Variants in RTTN observed in about 807,000 individuals in gnomAD.
RTTN encodes the protein rotatin.
A neutral mutation model predicts 269.2 loss-of-function variants in RTTN; 182 were observed. That is an observed-to-expected ratio of 0.68 (90% CI 0.60 to 0.76). The LOEUF (loss-of-function observed/expected upper bound fraction) is 0.76. Ranked by LOEUF, RTTN falls within the 30% of genes least tolerant of loss-of-function variation. The pLI is 0.00. For missense variants in RTTN, 2,545 were observed against 2,608.6 expected (o/e 0.98, Z 0.53); for synonymous variants, 1,006 against 963.5 (o/e 1.04, Z -0.82).
In RTTN at chr18:70,156,542, G is replaced by C. The variant is rs142697908; in HGVS notation, c.1930-5809C>G. On this transcript the variant is annotated intron_variant, in intron 14 of 48. Coordinates refer to ENST00000640769, the MANE Select transcript of RTTN (RefSeq NM_173630.4). ...TTGCCTTGTGATATTCTATTACCTTGTGAAGCACGTGATTTTTGTGACCCA... is the reference window on the plus strand; with the variant it reads ...TTGCCTTGTGATATTCTATTACCTTCTGAAGCACGTGATTTTTGTGACCCA... Among the ~76,000 whole-genome samples the C allele has an allele frequency of 4.9e-3, 745 of 152,200 alleles. 3 individuals carry two copies. Among genetic ancestry groups the C allele is most frequent in the South Asian group, 7.7e-3 (37 of 4,822 alleles).
At chr18:70,124,022 A>C (rs556663236) in intron 25 of RTTN, among the ~76,000 whole-genome samples, 29 of 152,172 alleles carry the variant, frequency 1.9e-4, no homozygotes, top group Admixed American at 4.6e-4. Flanking sequence ...TACCCTTGTA[A>C]AATAGCATGA....
intron 35 of RTTN, 23 bp from the exon 36 acceptor site, chr18:70,060,065 G>A (rs2057934738): frequency 6.4e-7 from 1 of 1,566,190 alleles, no homozygotes; most frequent in Non-Finnish European, 8.7e-7. Flanking sequence ...ATAAACATAA[G>A]AATTATTATT....
Position 70,127,500 on chromosome 18 carries a change from A to C in RTTN, c.3383+2T>G. Reference sequence around the variant, plus strand: ...AACTGGCAGCCTTGACCTTACACTGACCTGTTTAGTGCGGTGTGCCAAGCC... The same window carrying C: ...AACTGGCAGCCTTGACCTTACACTGCCCTGTTTAGTGCGGTGTGCCAAGCC... On this transcript the variant is annotated splice_donor_variant, in intron 25 of 48. Transcript: ENST00000640769. LOFTEE classifies it high-confidence loss of function. 6.2e-7 allele frequency: 1 copy of C among 1,613,198 alleles called. No individual in the cohort carries two copies. The highest frequency in any genetic ancestry group is 8.5e-7 in the Non-Finnish European group (1 of 1,179,502).
intron 35 of RTTN, 81 bp downstream of exon 35, chr18:70,065,748 G>T: frequency 1.2e-6 from 1 of 852,962 alleles, no homozygotes; most frequent in Non-Finnish European, 1.8e-6. Flanking sequence ...TTGTTCTTTA[G>T]ACATTTACTT....
At chr18:70,006,595 G>A in intron 46 of RTTN, 111 bp from the exon 47 acceptor site, 1 of 800,214 alleles carries the variant, frequency 1.2e-6, no homozygotes, top group Non-Finnish European at 2.1e-6. Context: ...CATACATAAA[G>A]TTGGTATCAC....
At chr18:70,078,716 G>A (rs1474080872) in intron 32 of RTTN, among the ~76,000 whole-genome samples, 2 of 151,978 alleles carry the variant, frequency 1.3e-5, no homozygotes, top group African/African-American at 2.4e-5. Flanking sequence ...AGTGAGTTAC[G>A]GTTTTCAACT....
chr18:70,128,645 C>G, intron 23 of RTTN, 99 bp from the exon 24 acceptor site: 2 of 851,038 alleles, frequency 2.4e-6, no homozygotes, highest in Non-Finnish European at 3.7e-6. Flanking sequence ...GCCTCCCAAC[C>G]CACAATAATG....
At chr18:70,201,074 G>T (rs1022008190) in intron 4 of RTTN, among the ~76,000 whole-genome samples, 1 of 152,234 alleles carries the variant, frequency 6.6e-6, no homozygotes, top group Non-Finnish European at 1.5e-5. Context: ...CTCTGATGAG[G>T]TGGCATGTGA....
chr18:70,056,628 T>C (rs1048876221), intron 37 of RTTN, among the ~76,000 whole-genome samples: 7 of 152,144 alleles, frequency 4.6e-5, no homozygotes, highest in Non-Finnish European at 8.8e-5. Flanking sequence ...CTTGCCCTCA[T>C]AGATTCTGCT....
intron 33 of RTTN, 43 bp downstream of exon 33, chr18:70,075,308 AG>A: frequency 7.5e-7 from 1 of 1,327,794 alleles, no homozygotes. Flanking sequence ...AGTTTTTACA[AG>A]TTACATATTA....
chr18:70,181,373 A>C (rs2061418145), intron 10 of RTTN, among the ~76,000 whole-genome samples: 1 of 152,184 alleles, frequency 6.6e-6, no homozygotes, highest in Non-Finnish European at 1.5e-5. Context: ...CTTGAACCTG[A>C]CTTAGCATGT....
At chr18:70,079,318 T>C (rs527426543) in intron 32 of RTTN, among the ~76,000 whole-genome samples, 1 of 152,096 alleles carries the variant, frequency 6.6e-6, no homozygotes, top group Non-Finnish European at 1.5e-5. Flanking sequence ...TAGGCACATA[T>C]TACATAAAAA....
At chr18:70,087,204 T>A (rs1444435738) in intron 31 of RTTN, among the ~76,000 whole-genome samples, 2 of 152,072 alleles carry the variant, frequency 1.3e-5, no homozygotes, top group East Asian at 3.9e-4. Context: ...AATTAAATAA[T>A]CATACAAATA....
intron 14 of RTTN, among the ~76,000 whole-genome samples, chr18:70,157,263 A>G (rs1281087589): frequency 6.6e-6 from 1 of 152,178 alleles, no homozygotes; most frequent in Non-Finnish European, 1.5e-5. Flanking sequence ...CCTCCAGTGC[A>G]GCAGATGCTT....
intron 3 of RTTN, among the ~76,000 whole-genome samples, chr18:70,203,502 T>C (rs112603176): frequency 4.6e-5 from 7 of 152,310 alleles, no homozygotes; most frequent in African/African-American, 1.7e-4. Flanking sequence ...CCCGGTGTTC[T>C]TTCTTATTAT....
chr18:70,123,420 T>C (rs1038084532), intron 25 of RTTN, among the ~76,000 whole-genome samples: 26 of 152,136 alleles, frequency 1.7e-4, no homozygotes, highest in Non-Finnish European at 3.1e-4. Flanking sequence ...CTGTAAGAGA[T>C]CACCAGAACT....
intron 48 of RTTN, 33 bp from the exon 49 acceptor site, chr18:70,004,269 A>G: frequency 6.7e-7 from 1 of 1,490,760 alleles, no homozygotes; most frequent in Non-Finnish European, 9.4e-7. Context: ...CAGAAATACT[A>G]GTTTATGAAA....
At chr18:70,105,049 A>G (rs1427554993) in intron 28 of RTTN, among the ~76,000 whole-genome samples, 1 of 151,878 alleles carries the variant, frequency 6.6e-6, no homozygotes, top group African/African-American at 2.4e-5. Context: ...GTTTAAGTCT[A>G]CAGAGGTTTC....
intron 25 of RTTN, among the ~76,000 whole-genome samples, chr18:70,123,605 G>A (rs1255462954): frequency 6.6e-6 from 1 of 151,832 alleles, no homozygotes; most frequent in Non-Finnish European, 1.5e-5. Context: ...CTGTGTGCCT[G>A]GTATCTTTTC....
Sources: allele counts gnomAD v4.1 joint callset (sites outside exome capture counted in the v4.1 genomes callset), GRCh38; gene constraint gnomAD v4.1.1; transcripts MANE v1.5; gene names NCBI Gene and HGNC (gene_info 2026-07-23, HGNC 2026-07-21).